The following GLT8D2 variants were observed in gnomAD, a reference collection of about 807,000 sequenced individuals.
GLT8D2 encodes glycosyltransferase 8 domain-containing protein 2.
A neutral mutation model predicts 44.5 loss-of-function variants in GLT8D2; 45 were observed. The observed-to-expected ratio is 1.01, with a 90% CI of 0.80 to 1.30. The LOEUF (loss-of-function observed/expected upper bound fraction) is 1.30. GLT8D2 is among the 50% of genes most tolerant of loss of function. GLT8D2 has a pLI of 0.00. For missense variants in GLT8D2, 400 were observed against 430.4 expected (o/e 0.93, Z 0.62); for synonymous variants, 156 against 157.2 (o/e 0.99, Z 0.06).
chr12:104,009,858 G>A (rs1447462276), intron 4 of GLT8D2, among the ~76,000 whole-genome samples: 1 of 152,106 alleles, frequency 6.6e-6, no homozygotes, highest in Non-Finnish European at 1.5e-5. Flanking sequence ...TTTTGCTGCT[G>A]CCATGTAAGA....
At chr12:104,058,618 A>G (rs1342345940) in intron 1 of GLT8D2, among the ~76,000 whole-genome samples, 2 of 152,134 alleles carry the variant, frequency 1.3e-5, no homozygotes, top group African/African-American at 2.4e-5. Context: ...AAATAATTTG[A>G]CCAAGGCCAT....
At chr12:104,021,178 C>T (rs943098941) in intron 2 of GLT8D2, among the ~76,000 whole-genome samples, 179 bp downstream of exon 2, 14 of 152,086 alleles carry the variant, frequency 9.2e-5, no homozygotes, top group African/African-American at 3.1e-4. Flanking sequence ...CAGAGTTCCC[C>T]CCTCAGGGAG....
chr12:104,024,902 C>G (rs1212648961), intron 1 of GLT8D2, among the ~76,000 whole-genome samples: 1 of 151,892 alleles, frequency 6.6e-6, no homozygotes, highest in Non-Finnish European at 1.5e-5. Context: ...GAAACCCTTT[C>G]TCTACTAAAA....
At chr12:104,009,268 C>T (rs906766868) in intron 4 of GLT8D2, among the ~76,000 whole-genome samples, 2 of 152,364 alleles carry the variant, frequency 1.3e-5, no homozygotes, top group Non-Finnish European at 2.9e-5. Context: ...TGGGAACCCA[C>T]GTCTTGCATC....
intron 4 of GLT8D2, among the ~76,000 whole-genome samples, chr12:104,011,627 A>G (rs1001710788): frequency 1.3e-5 from 2 of 152,218 alleles, no homozygotes; most frequent in Admixed American, 1.3e-4. Flanking sequence ...ACTTGAACGT[A>G]GGACTTCACA....
chr12:104,022,503 T>C (rs1344030280), intron 1 of GLT8D2, among the ~76,000 whole-genome samples: 1 of 152,084 alleles, frequency 6.6e-6, no homozygotes, highest in Non-Finnish European at 1.5e-5. Context: ...ACAGAAAATA[T>C]AGAGGTCAGC....
chr12:104,036,976 T>C (rs1175605000), intron 1 of GLT8D2, among the ~76,000 whole-genome samples: 1 of 151,906 alleles, frequency 6.6e-6, no homozygotes, highest in African/African-American at 2.4e-5. Context: ...TCAGACCACA[T>C]TGCAATCAAA....
At chr12:104,012,746 A>G (rs901838462) in intron 4 of GLT8D2, 7 of 685,568 alleles carry the variant, frequency 1.0e-5, no homozygotes, top group African/African-American at 7.1e-5. Context: ...CAGGATGTCC[A>G]TGCACTTAAT....
intron 8 of GLT8D2, 51 bp from the exon 9 acceptor site, chr12:103,994,552 T>C (rs1396881113): frequency 4.7e-6 from 7 of 1,499,116 alleles, no homozygotes; most frequent in Non-Finnish European, 6.4e-6. Flanking sequence ...CTTTTGTTTC[T>C]GGAAAATGAT....
At chr12:104,019,092 C>A (rs186172860) in intron 3 of GLT8D2, among the ~76,000 whole-genome samples, 144 of 149,490 alleles carry the variant, frequency 9.6e-4, no homozygotes, top group Non-Finnish European at 1.7e-3. Flanking sequence ...ATGATCCCTG[C>A]TGTAAGTTCA....
At position 103,997,413 on chromosome 12, in the gene GLT8D2, C is replaced by A. The variant is rs757107942; in HGVS notation, c.487+38G>T. ...AGACAGTTATTCTACTTATCAGCTG[C>A]TTCTTTTCCAAGTGTTCTTGGCAGT... On this transcript the variant is annotated intron_variant, in intron 7 of 10. Coordinates refer to ENST00000360814, the MANE Select transcript of GLT8D2 (RefSeq NM_001384711.1). 3 of 1,398,476 alleles carry A rather than the reference C, an allele frequency of 2.1e-6. No homozygotes were observed. The Admixed American group carries it at 5.1e-5, about 24-fold the overall frequency. 86.6% of individuals were successfully genotyped at this position (1,398,476 alleles called of 1,614,324 possible). A position where few individuals can be genotyped will look rare whatever the true frequency, so the allele number is the denominator to read the frequency against.
intron 1 of GLT8D2, among the ~76,000 whole-genome samples, chr12:104,034,164 G>T (rs1488460859): frequency 1.3e-5 from 2 of 152,094 alleles, no homozygotes; most frequent in Non-Finnish European, 2.9e-5. Context: ...TGTATGCCTG[G>T]ATTCCATTCC....
At chr12:104,008,095 C>T (rs998691019) in intron 4 of GLT8D2, among the ~76,000 whole-genome samples, 19 of 152,098 alleles carry the variant, frequency 1.2e-4, no homozygotes, top group Non-Finnish European at 2.4e-4. Context: ...TAGAGTGGGA[C>T]GTTGTTGAAA....
intron 4 of GLT8D2, among the ~76,000 whole-genome samples, chr12:104,004,321 A>G (rs915036974): frequency 1.3e-5 from 2 of 152,234 alleles, no homozygotes; most frequent in Admixed American, 1.3e-4. Context: ...AACTGGCACA[A>G]GACAGGGATG....
chr12:104,002,313 T>C (rs910304599), intron 5 of GLT8D2, among the ~76,000 whole-genome samples: 1 of 152,264 alleles, frequency 6.6e-6, no homozygotes, highest in African/African-American at 2.4e-5. Flanking sequence ...CTGTGAATTA[T>C]CTGGTTATAT....
In GLT8D2 at chr12:103,994,513, C is replaced by T; in HGVS notation, c.601-12G>A. 4.4e-6 allele frequency: 7 copies of T among 1,590,052 alleles called. No individual in the cohort carries two copies. The highest frequency in any genetic ancestry group is 3.4e-4 in the Middle Eastern group (2 of 5,814). ...CCCATATATGTGTTCTGTAAGGGAA[C>T]AGGATGTGCATGCTTTTGACCAGCG... On this transcript the variant is annotated splice_polypyrimidine_tract_variant and intron_variant, in intron 8 of 10. Coordinates refer to ENST00000360814, the MANE Select transcript of GLT8D2 (RefSeq NM_001384711.1).
chr12:103,993,305 T>C, intron 10 of GLT8D2, 87 bp downstream of exon 10: 1 of 1,030,764 alleles, frequency 9.7e-7, no homozygotes, highest in South Asian at 1.4e-5. Flanking sequence ...CACTCCAGCC[T>C]GGGCAGCAGA....
Position 104,022,080 on chromosome 12 carries a change from A to AGAAAG in GLT8D2, c.-163-590_-163-589insCTTTC, listed in dbSNP as rs1555279636. Among the ~76,000 whole-genome samples the AGAAAG allele has an allele frequency of 5.8e-4, 78 of 134,210 alleles. 2 individuals are homozygous for AGAAAG. The highest frequency in any genetic ancestry group is 4.4e-3 in the East Asian group (13 of 2,940). 88.0% of individuals were successfully genotyped at this position (134,210 alleles called of 152,430 possible). On this transcript the variant is annotated intron_variant, in intron 1 of 10. Coordinates refer to ENST00000360814, the MANE Select transcript of GLT8D2 (RefSeq NM_001384711.1). Reference sequence around the variant, plus strand: ...AGGGAAAGAAAGAAAGAAAGAAAAAAAAAGAAAGAAAGAAAGAAGAAAAGA... The same window carrying AGAAAG: ...AGGGAAAGAAAGAAAGAAAGAAAAAAGAAAGAAAGAAAGAAAGAAAGAAGAAAAGA...
At chr12:104,046,436 T>C (rs1467598177) in intron 1 of GLT8D2, among the ~76,000 whole-genome samples, 1 of 152,184 alleles carries the variant, frequency 6.6e-6, no homozygotes, top group African/African-American at 2.4e-5. Flanking sequence ...ACACAACTAA[T>C]AAGTGGCAGA....
Sources: gnomAD v4.1 joint callset for allele counts (sites outside exome capture counted in the v4.1 genomes callset) on GRCh38, gnomAD v4.1.1 for gene constraint, MANE v1.5 for transcripts, NCBI Gene and HGNC (gene_info 2026-07-23, HGNC 2026-07-21) for gene names.